NRXN1: variants seen among roughly 807,000 people sequenced by gnomAD.
The protein encoded by NRXN1 is neurexin 1.
In NRXN1, 39 loss-of-function variants were observed where a neutral mutation model predicts 150.9. The observed-to-expected ratio is 0.26, with a 90% confidence interval of 0.20 to 0.34. The LOEUF is 0.34. Ranked by LOEUF, NRXN1 falls within the 10% of genes least tolerant of loss-of-function variation. The pLI is 1.00. For missense variants in NRXN1, 1,815 were observed against 1,949.9 expected, an observed-to-expected ratio of 0.93 and a Z score of 1.30; for synonymous variants, 924 against 757.0, an observed-to-expected ratio of 1.22 and a Z score of -3.62.
chr2:50,889,025 T>C (rs1435288170), intron 5 of NRXN1, among the ~76,000 whole-genome samples: 1 of 151,728 alleles, frequency 6.6e-6, no homozygotes, highest in Admixed American at 6.6e-5. Flanking sequence ...TATCATAGCC[T>C]AAAAAGTAAA....
intron 5 of NRXN1, chr2:50,841,071 T>C (rs1672795817): frequency 6.6e-6 from 1 of 152,622 alleles, no homozygotes; most frequent in Non-Finnish European, 1.5e-5. Flanking sequence ...CATGTTAATG[T>C]AGAAATAACT....
Position 50,347,613 on chromosome 2 carries a change from C to T in NRXN1, c.3365-110643G>A. 2.0e-6 allele frequency: 2 copies of T among 1,008,220 alleles called. No individual in the cohort carries two copies. Among genetic ancestry groups the T allele is most frequent in the Non-Finnish European group, 2.4e-6 (2 of 843,808 alleles). The allele number at this position is 1,008,220 out of a possible 1,614,324, so 62.5% of individuals were successfully genotyped here. A position where few individuals can be genotyped will look rare whatever the true frequency, so the allele number is the denominator to read the frequency against. On this transcript the variant is annotated intron_variant, in intron 17 of 22. Transcript: ENST00000401669. The surrounding 1 kb of genome is among the most constrained non-coding windows in gnomAD (Gnocchi z 4.9). ...TCTCCGCGTCCGCCGCCTCCTGACA[C>T]TTACGCCCGGCGAGGGGTTCAGAGG...
chr2:50,214,045 C>G (rs2152847456), intron 18 of NRXN1, among the ~76,000 whole-genome samples: 1 of 152,042 alleles, frequency 6.6e-6, no homozygotes, highest in Middle Eastern at 3.4e-3. Context: ...TTGTGCTTTA[C>G]TTAAATGTGT....
intron 18 of NRXN1, among the ~76,000 whole-genome samples, chr2:50,094,255 T>C (rs191216941): frequency 6.6e-6 from 1 of 152,332 alleles, no homozygotes; most frequent in African/African-American, 2.4e-5. Context: ...AAGCCAGTCT[T>C]GCAAAGGAGA....
intron 8 of NRXN1, chr2:50,588,833 C>G (rs753259683): frequency 5.9e-5 from 9 of 152,066 alleles, no homozygotes; most frequent in Non-Finnish European, 8.8e-5. Flanking sequence ...TACTTTGACG[C>G]CAGTGGAAAT....
chr2:50,125,338 T>C (rs558294198), intron 18 of NRXN1, among the ~76,000 whole-genome samples: 1 of 152,314 alleles, frequency 6.6e-6, no homozygotes, highest in South Asian at 2.1e-4. Context: ...GTTGCTGTTG[T>C]TGTTGTTTTA....
intron 18 of NRXN1, among the ~76,000 whole-genome samples, chr2:50,094,988 C>T (rs982037130): frequency 6.6e-6 from 1 of 152,148 alleles, no homozygotes; most frequent in Non-Finnish European, 1.5e-5. Flanking sequence ...TACAATAATA[C>T]TAGCCAAGTA....
chr2:50,126,845 T>C (rs1418606767), intron 18 of NRXN1, among the ~76,000 whole-genome samples: 2 of 152,084 alleles, frequency 1.3e-5, no homozygotes, highest in Non-Finnish European at 2.9e-5. Flanking sequence ...ATCACATTTT[T>C]GCCCCATCTT....
chr2:50,860,799 A>G (rs1424579724), intron 5 of NRXN1, among the ~76,000 whole-genome samples: 1 of 152,138 alleles, frequency 6.6e-6, no homozygotes, highest in East Asian at 1.9e-4. Context: ...CCCAGACCAC[A>G]TGAAGTAGAA....
intron 2 of NRXN1, among the ~76,000 whole-genome samples, chr2:51,023,180 T>C (rs1414026089): frequency 2.6e-5 from 4 of 152,184 alleles, no homozygotes; most frequent in Non-Finnish European, 5.9e-5. Context: ...TCTTTCTCCC[T>C]GGCCCCCTTT....
chr2:50,276,205 ATATTATTGC>A (rs888734345), intron 17 of NRXN1, among the ~76,000 whole-genome samples: 5 of 152,020 alleles, frequency 3.3e-5, no homozygotes, highest in Non-Finnish European at 7.4e-5. Context: ...TTAATTTTTT[ATATTATTGC>A]AGGGAATCCT....
At chr2:50,583,109 G>A (rs1010156443) in intron 8 of NRXN1, among the ~76,000 whole-genome samples, 13 of 151,428 alleles carry the variant, frequency 8.6e-5, no homozygotes, top group Admixed American at 3.3e-4. Flanking sequence ...GCAATTCAGC[G>A]GCATGATCTC....
intron 5 of NRXN1, among the ~76,000 whole-genome samples, chr2:50,891,220 T>C (rs114748018): frequency 0.01 from 1,544 of 152,064 alleles, 24 homozygotes; most frequent in African/African-American, 0.035. Context: ...AAGTGAACCA[T>C]GATATGATGA....
intron 2 of NRXN1, among the ~76,000 whole-genome samples, chr2:51,022,460 A>T (rs1669764157): frequency 6.6e-6 from 1 of 152,172 alleles, no homozygotes; most frequent in South Asian, 2.1e-4. Context: ...AATATATTTG[A>T]CTTTATTTGT....
At chr2:50,690,595 G>A (rs1287904216) in intron 5 of NRXN1, among the ~76,000 whole-genome samples, 1 of 152,176 alleles carries the variant, frequency 6.6e-6, no homozygotes, top group Non-Finnish European at 1.5e-5. Flanking sequence ...GAGAATAAGT[G>A]TAATTGAAGT....
intron 17 of NRXN1, among the ~76,000 whole-genome samples, chr2:50,455,751 C>G (rs1025611308): frequency 6.6e-6 from 1 of 152,152 alleles, no homozygotes; most frequent in Non-Finnish European, 1.5e-5. Flanking sequence ...TCTGACTGTG[C>G]AATGATTGCA....
intron 9 of NRXN1, among the ~76,000 whole-genome samples, chr2:50,550,809 G>C (rs1333390068): frequency 6.6e-6 from 1 of 151,638 alleles, no homozygotes; most frequent in Non-Finnish European, 1.5e-5. Context: ...AGCCTCCCGA[G>C]TGGCTGGGAC....
At chr2:50,922,335 G>C (rs1384576217) in intron 4 of NRXN1, among the ~76,000 whole-genome samples, 1 of 151,570 alleles carries the variant, frequency 6.6e-6, no homozygotes, top group Non-Finnish European at 1.5e-5. Flanking sequence ...GATGGTTCTC[G>C]GTTTTTCTTT....
intron 2 of NRXN1, among the ~76,000 whole-genome samples, chr2:50,957,853 G>A (rs897162384): frequency 1.3e-5 from 2 of 151,462 alleles, no homozygotes; most frequent in African/African-American, 2.4e-5. Context: ...TATCATTCTG[G>A]CCCAGAAGTC....
Sources: gnomAD v4.1 joint callset for allele counts (sites outside exome capture counted in the v4.1 genomes callset) on GRCh38, gnomAD v4.1.1 for gene constraint, Gnocchi (gnomAD v3.1) non-coding constraint, MANE v1.5 for transcripts, NCBI Gene and HGNC (gene_info 2026-07-23, HGNC 2026-07-21) for gene names.